Variants in FOXP1 observed in about 807,000 individuals in gnomAD.
The protein encoded by FOXP1 is forkhead box protein P1.
In FOXP1, 15 loss-of-function variants were observed where a neutral mutation model predicts 98.2. The observed-to-expected ratio is 0.15, with a 90% confidence interval of 0.10 to 0.24. FOXP1 has a LOEUF of 0.24. Among genes scored for constraint, FOXP1 ranks in the 10% least tolerant of loss-of-function variants. The probability of loss-of-function intolerance (pLI) is 1.00; values close to 1 mark genes in which losing one functional copy is unlikely to be tolerated. For synonymous variants in FOXP1, 371 were observed against 314.5 expected (o/e 1.18, Z -1.90); for missense variants, 633 against 848.5 (o/e 0.75, Z 3.15).
At chr3:71,507,393 C>T (rs1273173142) in intron 2 of FOXP1, among the ~76,000 whole-genome samples, 1 of 151,752 alleles carries the variant, frequency 6.6e-6, no homozygotes. Flanking sequence ...GAATACATCA[C>T]AGCATTATCT....
intron 6 of FOXP1, among the ~76,000 whole-genome samples, chr3:71,176,360 T>G (rs773433185): frequency 2.0e-5 from 3 of 152,144 alleles, no homozygotes; most frequent in Non-Finnish European, 2.9e-5. Flanking sequence ...ACTTGCAATT[T>G]ATTATGTGCA....
chr3:71,348,516 T>TGTGC (rs1361479302), intron 4 of FOXP1, among the ~76,000 whole-genome samples: 5 of 47,580 alleles, frequency 1.1e-4, no homozygotes, highest in Non-Finnish European at 2.4e-4. Flanking sequence ...AGTGTGTGTG[T>TGTGC]GTGTGCGTGT....
chr3:71,106,827 G>A (rs1382460561), intron 7 of FOXP1, among the ~76,000 whole-genome samples: 1 of 150,390 alleles, frequency 6.6e-6, no homozygotes, highest in African/African-American at 2.5e-5. Context: ...AGGCTGGAAT[G>A]CGGTGGCACC....
At chr3:71,466,753 G>A (rs376932510) in intron 3 of FOXP1, among the ~76,000 whole-genome samples, 6 of 152,282 alleles carry the variant, frequency 3.9e-5, no homozygotes, top group East Asian at 1.9e-4. Context: ...TCCGACCATC[G>A]GGAAGGTCAC....
chr3:71,131,052 A>G (rs80169701), intron 6 of FOXP1: 1 of 319,316 alleles, frequency 3.1e-6, no homozygotes, highest in Non-Finnish European at 4.5e-6. Context: ...GCTTTAAAAG[A>G]AAAAAAAAAG....
intron 7 of FOXP1, among the ~76,000 whole-genome samples, chr3:71,075,239 A>C (rs1211352292): frequency 6.6e-6 from 1 of 152,222 alleles, no homozygotes; most frequent in Non-Finnish European, 1.5e-5. Context: ...CCTCATCTAT[A>C]AAAAAGAACT....
chr3:71,082,264 G>A (rs1258390221), intron 7 of FOXP1, among the ~76,000 whole-genome samples: 1 of 146,678 alleles, frequency 6.8e-6, no homozygotes, highest in African/African-American at 2.5e-5. Context: ...GGGTGACACA[G>A]TGAGACTCTG....
intron 4 of FOXP1, among the ~76,000 whole-genome samples, chr3:71,314,284 A>G (rs2074915314): frequency 6.6e-6 from 1 of 152,174 alleles, no homozygotes; most frequent in Admixed American, 6.5e-5. Context: ...TAATCCCAGA[A>G]CTTTAGGAGG....
At chr3:70,975,784 A>AT (rs2037370394) in intron 17 of FOXP1, among the ~76,000 whole-genome samples, 1 of 152,210 alleles carries the variant, frequency 6.6e-6, no homozygotes, top group Non-Finnish European at 1.5e-5. Context: ...AAGCAAGAAT[A>AT]TTAGACACCA....
chr3:71,197,924 G>A (rs1560100796), intron 6 of FOXP1: 1 of 1,614,166 alleles, frequency 6.2e-7, no homozygotes, highest in Admixed American at 1.7e-5. Flanking sequence ...GAAGGGTTAG[G>A]CTGACACACA....
intron 7 of FOXP1, among the ~76,000 whole-genome samples, chr3:71,095,004 A>G (rs2056314875): frequency 6.6e-6 from 1 of 152,226 alleles, no homozygotes; most frequent in South Asian, 2.1e-4. Flanking sequence ...TCTTCAATTA[A>G]GCATTAATAT....
intron 7 of FOXP1, among the ~76,000 whole-genome samples, chr3:71,060,761 T>C (rs1023369451): frequency 1.3e-5 from 2 of 152,174 alleles, no homozygotes; most frequent in African/African-American, 2.4e-5. Flanking sequence ...TCTCAGTTAT[T>C]TGAACAATGA....
intron 2 of FOXP1, among the ~76,000 whole-genome samples, chr3:71,548,785 T>C (rs113308519): frequency 4.0e-5 from 6 of 151,348 alleles, no homozygotes; most frequent in Non-Finnish European, 8.8e-5. Flanking sequence ...AGAAATGAGA[T>C]GAAGTCAAAA....
At chr3:71,505,363 C>G (rs535886485) in intron 2 of FOXP1, among the ~76,000 whole-genome samples, 1 of 149,772 alleles carries the variant, frequency 6.7e-6, no homozygotes, top group Non-Finnish European at 1.5e-5. Context: ...GAGTTTATGA[C>G]GGCATATGAG....
intron 7 of FOXP1, among the ~76,000 whole-genome samples, chr3:71,073,260 C>G (rs1222932171): frequency 6.6e-6 from 1 of 152,204 alleles, no homozygotes; most frequent in Non-Finnish European, 1.5e-5. Context: ...TCTCTGACAC[C>G]CTTTTTCATC....
intron 5 of FOXP1, among the ~76,000 whole-genome samples, chr3:71,221,118 A>G (rs2065347919): frequency 6.6e-6 from 1 of 152,186 alleles, no homozygotes. Context: ...GGTGAGCAGC[A>G]GGTGAGTGGG....
chr3:71,280,664 A>G (rs574704821), intron 5 of FOXP1, among the ~76,000 whole-genome samples: 36 of 151,748 alleles, frequency 2.4e-4, no homozygotes, highest in Admixed American at 1.2e-3. Flanking sequence ...AATTCAGGTT[A>G]CCCACATTTC....
chr3:71,513,959 CTA>C (rs2042382227), intron 2 of FOXP1, among the ~76,000 whole-genome samples: 1 of 152,242 alleles, frequency 6.6e-6, no homozygotes, highest in Non-Finnish European at 1.5e-5. Flanking sequence ...TCTAATAAAA[CTA>C]TGTCTAATAA....
intron 4 of FOXP1, among the ~76,000 whole-genome samples, chr3:71,314,781 A>T (rs1270291023): frequency 6.6e-6 from 1 of 152,024 alleles, no homozygotes; most frequent in East Asian, 1.9e-4. Context: ...TGCCTGTCCC[A>T]CCAACTACCA....
Sources: allele counts gnomAD v4.1 joint callset (sites outside exome capture counted in the v4.1 genomes callset), GRCh38; gene constraint gnomAD v4.1.1; transcripts MANE v1.5; gene names NCBI Gene and HGNC (gene_info 2026-07-23, HGNC 2026-07-21).